SRFBP1: variants seen among roughly 807,000 people sequenced by gnomAD.
SRFBP1 encodes serum response factor-binding protein 1.
In SRFBP1, 47 loss-of-function variants were observed where a neutral mutation model predicts 45.5. The observed-to-expected ratio is 1.03, with a 90% CI of 0.82 to 1.32. The LOEUF (loss-of-function observed/expected upper bound fraction) is 1.32, where lower values mean the gene tolerates loss of function less well. Ranked by LOEUF, SRFBP1 falls within the 40% of genes most tolerant of loss-of-function variation. SRFBP1 has a pLI of 0.00. For missense variants in SRFBP1, 621 were observed against 484.6 expected, an observed-to-expected ratio of 1.28 and a Z score of -2.64; for synonymous variants, 203 against 166.3, an observed-to-expected ratio of 1.22 and a Z score of -1.70.
rs550057909 is a variant in SRFBP1 at position 121,987,460 on chromosome 5, G to A, written c.199-7139G>A. ...ATTTAAAAAGCAGAACAGTATTTAG[G>A]AAATAAAGTTTTTGTTGTCACTGAA... On this transcript the variant is annotated intron_variant, in intron 3 of 7. Coordinates refer to ENST00000339397, the MANE Select transcript of SRFBP1 (RefSeq NM_152546.3). Among the ~76,000 whole-genome samples the A allele has an allele frequency of 2.6e-5, 4 of 152,190 alleles. No individual in the cohort carries two copies. In the East Asian group the frequency reaches 7.7e-4, roughly 29 times the overall value.
intron 5 of SRFBP1, 57 bp from the exon 6 acceptor site, chr5:122,020,031 C>CA (rs1338226402): frequency 5.7e-6 from 7 of 1,228,730 alleles, no homozygotes; most frequent in Non-Finnish European, 7.9e-6. Context: ...TGTCCTAAAA[C>CA]AGTCATGTTT....
At chr5:121,982,339 C>T (rs138307931) in intron 3 of SRFBP1, among the ~76,000 whole-genome samples, 63 of 151,996 alleles carry the variant, frequency 4.1e-4, no homozygotes, top group African/African-American at 5.5e-4. Flanking sequence ...CATGAAACAG[C>T]ATTTAGTAAC....
chr5:122,025,330 A>T (rs1753457133), intron 7 of SRFBP1, among the ~76,000 whole-genome samples: 1 of 152,158 alleles, frequency 6.6e-6, no homozygotes, highest in Non-Finnish European at 1.5e-5. Context: ...CATGGTGTAT[A>T]TGTGCCACAT....
downstream of SRFBP1, among the ~76,000 whole-genome samples, chr5:122,032,695 A>G (rs1285632713): frequency 1.3e-5 from 2 of 152,218 alleles, no homozygotes; most frequent in African/African-American, 4.8e-5. Context: ...TATGTGGATT[A>G]TTTTCACATT....
intron 3 of SRFBP1, among the ~76,000 whole-genome samples, chr5:121,977,231 G>A (rs1752321122): frequency 6.6e-6 from 1 of 151,956 alleles, no homozygotes; most frequent in African/African-American, 2.4e-5. Flanking sequence ...TGGAATGGTT[G>A]CATCATAGAA....
At chr5:121,987,452 G>A (rs1752540852) in intron 3 of SRFBP1, among the ~76,000 whole-genome samples, 1 of 152,122 alleles carries the variant, frequency 6.6e-6, no homozygotes, top group African/African-American at 2.4e-5. Context: ...AAGCAGAACA[G>A]TATTTAGGAA....
intron 4 of SRFBP1, among the ~76,000 whole-genome samples, chr5:121,998,112 C>T (rs916226034): frequency 6.6e-6 from 1 of 151,100 alleles, no homozygotes; most frequent in African/African-American, 2.4e-5. Context: ...TGTGGCGATT[C>T]CTCAGGGATC....
chr5:122,021,687 T>C (rs1753324952), intron 6 of SRFBP1, among the ~76,000 whole-genome samples: 1 of 140,998 alleles, frequency 7.1e-6, no homozygotes, highest in African/African-American at 2.7e-5. Flanking sequence ...TTTTTTTTTT[T>C]TTTTTTTGAG....
At chr5:122,012,726 T>C (rs1753120358) in intron 4 of SRFBP1, among the ~76,000 whole-genome samples, 1 of 152,128 alleles carries the variant, frequency 6.6e-6, no homozygotes, top group African/African-American at 2.4e-5. Flanking sequence ...CTTGATTAAA[T>C]AATTTTTAAT....
chr5:122,052,471 G>A (rs1754006309), intron 2 of SRFBP1, among the ~76,000 whole-genome samples: 1 of 151,768 alleles, frequency 6.6e-6, no homozygotes, highest in Admixed American at 6.6e-5. Flanking sequence ...CTTTATTTTT[G>A]TCTGACTGAA....
intron 2 of SRFBP1, among the ~76,000 whole-genome samples, chr5:122,045,099 C>A (rs984435266): frequency 6.6e-6 from 1 of 152,100 alleles, no homozygotes; most frequent in African/African-American, 2.4e-5. Flanking sequence ...ATCCTAGCAC[C>A]ATTTATGAAC....
intron 7 of SRFBP1, among the ~76,000 whole-genome samples, chr5:122,024,866 A>C (rs1313022969): frequency 6.6e-6 from 1 of 152,256 alleles, no homozygotes; most frequent in Non-Finnish European, 1.5e-5. Flanking sequence ...AACTCTATGT[A>C]ATATATAAAA....
In SRFBP1 at chr5:121,984,928, C is replaced by G. The variant is rs532994447; in HGVS notation, c.198+9541C>G. On this transcript the variant is annotated intron_variant, in intron 3 of 7. Coordinates refer to ENST00000339397, the MANE Select transcript of SRFBP1 (RefSeq NM_152546.3). ...AGGATTCAAAAGACAGAAGTTTTAC[C>G]TGATATTTTTTAGTCTGGTACTTTG... Among the ~76,000 whole-genome samples, 19 of 151,866 alleles carry G rather than the reference C, an allele frequency of 1.3e-4. No individual in the cohort carries two copies. The South Asian group carries it at 3.9e-3, about 31-fold the overall frequency.
chr5:122,008,803 G>T (rs993278607), intron 4 of SRFBP1, among the ~76,000 whole-genome samples: 3 of 152,016 alleles, frequency 2.0e-5, no homozygotes, highest in Non-Finnish European at 4.4e-5. Flanking sequence ...CCTGAAAGTG[G>T]AGTTACTTGG....
intron 4 of SRFBP1, among the ~76,000 whole-genome samples, chr5:121,998,735 A>C (rs1238593394): frequency 6.6e-6 from 1 of 151,800 alleles, no homozygotes; most frequent in Non-Finnish European, 1.5e-5. Context: ...TAATCTGTAC[A>C]TTTACTCTTT....
At chr5:121,989,744 A>C (rs1752585190) in intron 3 of SRFBP1, among the ~76,000 whole-genome samples, 1 of 152,128 alleles carries the variant, frequency 6.6e-6, no homozygotes, top group South Asian at 2.1e-4. Flanking sequence ...CACAATTATA[A>C]ATCTGTATAT....
At chr5:122,005,962 A>G (rs1341365662) in intron 4 of SRFBP1, among the ~76,000 whole-genome samples, 2 of 152,166 alleles carry the variant, frequency 1.3e-5, no homozygotes, top group Non-Finnish European at 2.9e-5. Flanking sequence ...GTATTAGGAG[A>G]TTCTAAATTT....
At chr5:122,001,364 C>G (rs996760314) in intron 4 of SRFBP1, among the ~76,000 whole-genome samples, 97 of 149,710 alleles carry the variant, frequency 6.5e-4, no homozygotes, top group African/African-American at 1.9e-3. Flanking sequence ...CCATGATTTC[C>G]AAAATCATGG....
intron 4 of SRFBP1, among the ~76,000 whole-genome samples, chr5:122,002,596 A>C (rs758450931): frequency 1.2e-4 from 19 of 152,224 alleles, no homozygotes; most frequent in Non-Finnish European, 2.4e-4. Context: ...CCTAAGGAGG[A>C]ATCATCAGTC....
Sources: allele counts gnomAD v4.1 joint callset (sites outside exome capture counted in the v4.1 genomes callset), GRCh38; gene constraint gnomAD v4.1.1; transcripts MANE v1.5; gene names NCBI Gene and HGNC (gene_info 2026-07-23, HGNC 2026-07-21).